The following DAB1 variants were observed in gnomAD, a reference collection of about 807,000 sequenced individuals.
DAB1 encodes the protein disabled homolog 1.
Under a neutral mutation model 64.6 loss-of-function variants are expected in DAB1, and 15 were observed. The observed-to-expected ratio is 0.23, with a 90% CI of 0.16 to 0.36. The LOEUF (loss-of-function observed/expected upper bound fraction) is 0.36. DAB1 is among the 10% of genes least tolerant of loss of function. The pLI, the probability that DAB1 is intolerant of heterozygous loss-of-function variation, is 1.00. For missense variants in DAB1, 596 were observed against 706.7 expected (o/e 0.84, Z 1.78); for synonymous variants, 235 against 251.9 (o/e 0.93, Z 0.64).
chr1:57,000,790 G>A (rs1342010092), intron 14 of DAB1, among the ~76,000 whole-genome samples: 1 of 152,132 alleles, frequency 6.6e-6, no homozygotes, highest in Non-Finnish European at 1.5e-5. Flanking sequence ...AGGCTGCCTT[G>A]ATCTCACCCT....
At chr1:58,442,651 C>T (rs1247572072) in intron 3 of DAB1, among the ~76,000 whole-genome samples, 1 of 152,150 alleles carries the variant, frequency 6.6e-6, no homozygotes, top group Non-Finnish European at 1.5e-5. Context: ...AGTTTAAATC[C>T]TTGCTCTGTC....
At chr1:57,963,169 G>A (rs1645567985) in intron 5 of DAB1, among the ~76,000 whole-genome samples, 1 of 152,192 alleles carries the variant, frequency 6.6e-6, no homozygotes, top group African/African-American at 2.4e-5. Context: ...AAACAAATGA[G>A]GTCCCTATTT....
At chr1:57,524,198 A>G (rs886847241) in intron 7 of DAB1, among the ~76,000 whole-genome samples, 1 of 152,100 alleles carries the variant, frequency 6.6e-6, no homozygotes, top group African/African-American at 2.4e-5. Flanking sequence ...AAAGACATAG[A>G]GGCGAAAGTT....
intron 3 of DAB1, among the ~76,000 whole-genome samples, chr1:58,470,514 T>C (rs149351788): frequency 1.8e-3 from 267 of 152,242 alleles, no homozygotes; most frequent in African/African-American, 5.5e-3. Context: ...CTGATCCTTA[T>C]CCTTCACCAT....
intron 4 of DAB1, among the ~76,000 whole-genome samples, chr1:58,234,534 G>T (rs1371756640): frequency 6.6e-6 from 1 of 152,178 alleles, no homozygotes; most frequent in Non-Finnish European, 1.5e-5. Flanking sequence ...CAGGGGGCTG[G>T]CAGCGTGGAA....
intron 3 of DAB1, among the ~76,000 whole-genome samples, chr1:58,437,719 T>G (rs1644960764): frequency 6.6e-6 from 1 of 152,240 alleles, no homozygotes; most frequent in Non-Finnish European, 1.5e-5. Context: ...GTGGGGGATA[T>G]AGCATTAAAA....
At chr1:57,001,637 T>G (rs1375349621) in intron 14 of DAB1, among the ~76,000 whole-genome samples, 1 of 152,180 alleles carries the variant, frequency 6.6e-6, no homozygotes, top group Non-Finnish European at 1.5e-5. Context: ...CTGCACATAA[T>G]GCCCACCTTC....
At chr1:58,222,312 A>G (rs986025318) in intron 4 of DAB1, among the ~76,000 whole-genome samples, 1 of 151,728 alleles carries the variant, frequency 6.6e-6, no homozygotes, top group Admixed American at 6.6e-5. Context: ...TTTTTACATG[A>G]CTCTCTCCTC....
chr1:58,268,089 T>C (rs1569584154), intron 4 of DAB1, among the ~76,000 whole-genome samples: 1 of 19,334 alleles, frequency 5.2e-5, no homozygotes, highest in Non-Finnish European at 1.9e-4. Flanking sequence ...CTGCCACTTA[T>C]GAGCTATATG....
At chr1:57,614,354 G>A (rs1451665501) in intron 7 of DAB1, among the ~76,000 whole-genome samples, 1 of 152,136 alleles carries the variant, frequency 6.6e-6, no homozygotes, top group East Asian at 1.9e-4. Flanking sequence ...AATGGTTTGT[G>A]CTCTAGATAA....
intron 1 of DAB1, among the ~76,000 whole-genome samples, chr1:57,353,114 T>TACACACACAC (rs10572319): frequency 3.4e-4 from 49 of 145,634 alleles, no homozygotes; most frequent in African/African-American, 9.7e-4. Flanking sequence ...TTTTTTTCCA[T>TACACACACAC]ACACACACAC....
chr1:57,500,506 C>T (rs1558438569), intron 7 of DAB1, among the ~76,000 whole-genome samples: 1 of 152,124 alleles, frequency 6.6e-6, no homozygotes, highest in East Asian at 1.9e-4. Context: ...TTTTAAATAC[C>T]GTGCCCAGCT....
At chr1:58,472,368 T>A (rs1376839115) in intron 3 of DAB1, among the ~76,000 whole-genome samples, 1 of 152,248 alleles carries the variant, frequency 6.6e-6, no homozygotes, top group African/African-American at 2.4e-5. Flanking sequence ...CCTCCCCTTG[T>A]CCTTGGTATA....
chr1:57,189,530 A>C (rs1270412338), intron 2 of DAB1, among the ~76,000 whole-genome samples: 1 of 152,170 alleles, frequency 6.6e-6, no homozygotes, highest in Non-Finnish European at 1.5e-5. Flanking sequence ...GTTTTGCAGG[A>C]ATCACTAACC....
intron 5 of DAB1, among the ~76,000 whole-genome samples, chr1:57,990,695 G>C (rs1027937682): frequency 3.3e-5 from 5 of 152,168 alleles, no homozygotes; most frequent in Admixed American, 2.6e-4. Flanking sequence ...AGAGGAGGCA[G>C]TGGGCAATAT....
At chr1:57,423,713 C>T (rs1158941510) in intron 1 of DAB1, among the ~76,000 whole-genome samples, 1 of 152,034 alleles carries the variant, frequency 6.6e-6, no homozygotes. Flanking sequence ...AGAGAAGTCG[C>T]CCTTTTCCTC....
At chr1:57,528,198 G>A (rs1644616477) in intron 7 of DAB1, among the ~76,000 whole-genome samples, 1 of 152,046 alleles carries the variant, frequency 6.6e-6, no homozygotes, top group South Asian at 2.1e-4. Context: ...AAGCAAATAT[G>A]AATTCTAAAA....
rs376248486 is a variant in DAB1 at position 58,331,558 on chromosome 1, T to C, written n.309+11794A>G. 5.3e-5 allele frequency among the ~76,000 whole-genome samples: 8 copies of C among 152,310 alleles called. No homozygotes were observed. The East Asian group carries it at 1.5e-3, about 29-fold the overall frequency. Reference sequence around the variant, plus strand: ...TCCACTGATGCAGCAAACTTCATTGTTGTCTTGTTTAAAGAAATTGCCACA... The same window carrying C: ...TCCACTGATGCAGCAAACTTCATTGCTGTCTTGTTTAAAGAAATTGCCACA... On this transcript the variant is annotated intron_variant and non_coding_transcript_variant, in intron 4 of 20. Coordinates refer to the DAB1 transcript ENST00000485760.
At chr1:57,105,651 A>G (rs1033370362) in intron 4 of DAB1, among the ~76,000 whole-genome samples, 1 of 152,140 alleles carries the variant, frequency 6.6e-6, no homozygotes, top group Admixed American at 6.6e-5. Flanking sequence ...CAGGTTGAAC[A>G]CTGTCTTTTT....
Sources: allele counts gnomAD v4.1 joint callset (sites outside exome capture counted in the v4.1 genomes callset), GRCh38; gene constraint gnomAD v4.1.1; transcripts MANE v1.5; gene names NCBI Gene and HGNC (gene_info 2026-07-23, HGNC 2026-07-21).